Variants in TRAPPC10 observed in about 807,000 individuals in gnomAD.
The protein encoded by TRAPPC10 is TRAPP 130 kDa subunit.
Under a neutral mutation model 125.5 loss-of-function variants are expected in TRAPPC10, and 23 were observed. The observed-to-expected ratio is 0.18, with a 90% CI of 0.13 to 0.26. The LOEUF is 0.26. TRAPPC10 is among the 10% of genes least tolerant of loss of function. The pLI, the probability that TRAPPC10 is intolerant of heterozygous loss-of-function variation, is 1.00. For synonymous variants in TRAPPC10, 509 were observed against 518.0 expected (o/e 0.98, Z 0.24); for missense variants, 1,123 against 1,308.4 (o/e 0.86, Z 2.19).
At chr21:44,034,346 C>G (rs923748589) in intron 2 of TRAPPC10, among the ~76,000 whole-genome samples, 1 of 147,916 alleles carries the variant, frequency 6.8e-6, no homozygotes, top group Non-Finnish European at 1.5e-5. Flanking sequence ...CCCCCCCCAC[C>G]CCCGCCGCCC....
Position 44,064,340 on chromosome 21 carries a change from A to T in TRAPPC10, c.1038+555A>T, listed in dbSNP as rs62227173. Among the ~76,000 whole-genome samples the T allele has an allele frequency of 1.4e-3, 189 of 139,940 alleles. 2 individuals are homozygous for T. The Middle Eastern group carries it at 0.022, about 16-fold the overall frequency. The allele number at this position is 139,940 out of a possible 152,430, so 91.8% of individuals were successfully genotyped here. A position where few individuals can be genotyped will look rare whatever the true frequency, so the allele number is the denominator to read the frequency against. On this transcript the variant is annotated intron_variant, in intron 7 of 22. Transcript: ENST00000291574. Reference sequence around the variant, plus strand: ...GTGTGTGTGTGTGTGTGTGTGTGTGAGTGTGAGAATGTAGTTAGTAAAACA... The same window carrying T: ...GTGTGTGTGTGTGTGTGTGTGTGTGTGTGTGAGAATGTAGTTAGTAAAACA...
At chr21:44,076,314 A>G (rs1336065852) in intron 9 of TRAPPC10, among the ~76,000 whole-genome samples, 1 of 152,244 alleles carries the variant, frequency 6.6e-6, no homozygotes, top group African/African-American at 2.4e-5. Flanking sequence ...ATGTTTCTAA[A>G]AAAGTTTAGT....
At chr21:44,083,749 G>GT (rs2037924080) in intron 14 of TRAPPC10, among the ~76,000 whole-genome samples, 1 of 152,202 alleles carries the variant, frequency 6.6e-6, no homozygotes, top group African/African-American at 2.4e-5. Flanking sequence ...AGGATATCCT[G>GT]TAAGTTCCAC....
chr21:44,083,261 A>G lies in TRAPPC10; in HGVS notation c.2197A>G (p.Thr733Ala). 1.2e-6 allele frequency: 2 copies of G among 1,614,006 alleles called. No homozygotes were observed. Among genetic ancestry groups the G allele is most frequent in the Non-Finnish European group, 1.7e-6 (2 of 1,179,986 alleles). Residue 733 changes from threonine (T) to alanine (A), a missense_variant, in exon 14 of 23, where the codon ACC becomes GCC. By Grantham distance (58) the Thr-to-Ala change is moderately conservative (BLOSUM62 0). This residue lies in a region of TRAPPC10 where 840 missense variants were observed against 902.0 expected (regional missense o/e 0.93). Transcript: ENST00000291574. The part of the protein sequence containing the change: ...GAHVLRCSHV[T>A]LEPGANQITF... ...CCACGTGCTGAGGTGCAGCCACGTGACCCTGGAACCAGGGGCCAACCAGAT... is the reference window on the plus strand; with the variant it reads ...CCACGTGCTGAGGTGCAGCCACGTGGCCCTGGAACCAGGGGCCAACCAGAT...
intron 7 of TRAPPC10, among the ~76,000 whole-genome samples, chr21:44,065,261 C>T (rs561189147): frequency 1.3e-5 from 2 of 152,212 alleles, no homozygotes; most frequent in African/African-American, 4.8e-5. Flanking sequence ...TCTGGAGTTC[C>T]CTTGTAGCGT....
chr21:44,062,614 CT>C (rs1428893262), intron 6 of TRAPPC10: 1 of 984,638 alleles, frequency 1.0e-6, no homozygotes, highest in Non-Finnish European at 1.2e-6. Context: ...CTCCACACTG[CT>C]GGGTGCTCCA....
chr21:44,045,765 C>T (rs755432816), intron 3 of TRAPPC10, among the ~76,000 whole-genome samples: 1 of 151,678 alleles, frequency 6.6e-6, no homozygotes, highest in Admixed American at 6.6e-5. Context: ...ACCGTGTTGG[C>T]CAGGCTAGTC....
chr21:44,013,587 G>A (rs4819366), intron 1 of TRAPPC10, among the ~76,000 whole-genome samples: 50,492 of 152,136 alleles, frequency 0.33, 12,446 homozygotes, highest in African/African-American at 0.7. Flanking sequence ...GTCAGCGGGT[G>A]TGCACCTGCT....
chr21:44,049,324 A>G (rs1471197252), intron 3 of TRAPPC10, among the ~76,000 whole-genome samples: 1 of 152,154 alleles, frequency 6.6e-6, no homozygotes, highest in Non-Finnish European at 1.5e-5. Flanking sequence ...CCTTCTCCAC[A>G]TGGAGGAGCC....
Position 44,089,924 on chromosome 21 carries a change from C to T in TRAPPC10, c.2861C>T (p.Ser954Leu), listed in dbSNP as rs763998882. ...PFRTTHSLLS[S>L]GTRKYVQVCV... Reference sequence around the variant, plus strand: ...AGGACCACACACAGCCTCCTGTCCTCAGGAACACGGTAACGGAGGCGTAGC... The same window carrying T: ...AGGACCACACACAGCCTCCTGTCCTTAGGAACACGGTAACGGAGGCGTAGC... The change falls in exon 18 of 23, where the codon TCA (serine) becomes TTA (leucine). Residue 954 changes from serine to leucine, a missense_variant. Physicochemically the swap from Ser to Leu is moderately radical, Grantham distance 145. This residue lies in a region of TRAPPC10 where 840 missense variants were observed against 902.0 expected (regional missense o/e 0.93). Transcript: ENST00000291574. The T allele has an allele frequency of 6.2e-7, 1 of 1,613,382 alleles. No individual in the cohort carries two copies. The highest frequency in any genetic ancestry group is 8.5e-7 in the Non-Finnish European group (1 of 1,179,434).
chr21:44,064,676 G>A lies in TRAPPC10; in HGVS notation c.1038+891G>A, dbSNP rs2036308125. The stretch of plus-strand genomic sequence containing the variant: ...AAGAGTATAAGCCATTGATGGGGAC[G>A]GTGTTTCATAATATAGGAACTTATT... On this transcript the variant is annotated intron_variant, in intron 7 of 22. Coordinates refer to ENST00000291574, the MANE Select transcript of TRAPPC10 (RefSeq NM_003274.5). 2.6e-5 allele frequency among the ~76,000 whole-genome samples: 4 copies of A among 152,046 alleles called. No individual in the cohort carries two copies. In the South Asian group the frequency reaches 6.2e-4, roughly 24 times the overall value.
chr21:44,017,662 G>C (rs185993273), intron 1 of TRAPPC10, among the ~76,000 whole-genome samples: 2 of 151,786 alleles, frequency 1.3e-5, no homozygotes, highest in Admixed American at 1.3e-4. Flanking sequence ...AGTGTGCTAC[G>C]TGGGGGGCAG....
In TRAPPC10 at chr21:44,077,776, G is replaced by A. The variant is rs1452580628; in HGVS notation, c.1461G>A (p.Glu487=). 2 of 1,607,516 alleles carry A rather than the reference G, an allele frequency of 1.2e-6. No homozygotes were observed. The highest frequency in any genetic ancestry group is 2.2e-5 in the East Asian group (1 of 44,720). ...SAKFVGKDLA[E]FYMRKKAPQK... ...AGTTTGTTGGAAAAGATCTGGCAGA[G>A]TTTTACATGTAATTGATTTTGTACT... The change falls in exon 11 of 23, where the codon GAG becomes GAA. Residue 487 remains glutamate (E), a synonymous_variant. Transcript: ENST00000291574.
At chr21:44,025,818 AGG>A (rs1202708338) in intron 1 of TRAPPC10, among the ~76,000 whole-genome samples, 18 of 98,326 alleles carry the variant, frequency 1.8e-4, no homozygotes, top group African/African-American at 6.0e-4. Context: ...AGCAGAGGGC[AGG>A]GGTGTGTGTG....
At chr21:44,049,036 C>T (rs2035057352) in intron 3 of TRAPPC10, among the ~76,000 whole-genome samples, 1 of 152,148 alleles carries the variant, frequency 6.6e-6, no homozygotes, top group African/African-American at 2.4e-5. Context: ...CTCATCCCCT[C>T]CTCTTGCTTC....
chr21:44,072,556 C>T (rs1332686802), intron 7 of TRAPPC10, among the ~76,000 whole-genome samples: 2 of 152,152 alleles, frequency 1.3e-5, no homozygotes, highest in Non-Finnish European at 2.9e-5. Flanking sequence ...CTCCGCCTCC[C>T]GGGTTCAAAT....
At chr21:44,092,591 C>CT (rs11387273) in intron 19 of TRAPPC10, among the ~76,000 whole-genome samples, 152,267 of 152,284 alleles carry the variant, frequency 1, 76,125 homozygotes, top group Middle Eastern at 1. Flanking sequence ...ATGTCTGAAT[C>CT]TCAGCATTTT....
intron 9 of TRAPPC10, among the ~76,000 whole-genome samples, chr21:44,075,789 C>T (rs917943723): frequency 6.6e-6 from 1 of 152,220 alleles, no homozygotes; most frequent in Non-Finnish European, 1.5e-5. Context: ...GTGGCTCCCA[C>T]CTGTAATCCC....
intron 1 of TRAPPC10, among the ~76,000 whole-genome samples, chr21:44,023,938 A>G (rs1371547915): frequency 6.6e-6 from 1 of 152,124 alleles, no homozygotes; most frequent in Non-Finnish European, 1.5e-5. Flanking sequence ...GGTGCATGCC[A>G]TCACATCTGG....
Sources: allele counts gnomAD v4.1 joint callset (sites outside exome capture counted in the v4.1 genomes callset), GRCh38; gene constraint gnomAD v4.1.1; regional missense constraint gnomAD v4.1.1; transcripts MANE v1.5; gene names NCBI Gene and HGNC (gene_info 2026-07-23, HGNC 2026-07-21).